AP4E1: variants seen among roughly 807,000 people sequenced by gnomAD.
AP4E1 encodes adaptor related protein complex 4 subunit epsilon 1, also known as AP-4 complex subunit epsilon-1.
A neutral mutation model predicts 128.2 loss-of-function variants in AP4E1; 56 were observed. The ratio of observed to expected loss-of-function variants is 0.44; its 90% CI spans 0.35 to 0.55. The LOEUF (loss-of-function observed/expected upper bound fraction) is 0.55, where lower values mean the gene tolerates loss of function less well. Among genes scored for constraint, AP4E1 ranks in the 20% least tolerant of loss-of-function variants. AP4E1 has a pLI of 0.00. For synonymous variants in AP4E1, 484 were observed against 473.1 expected (o/e 1.02, Z -0.30); for missense variants, 1,324 against 1,307.7 (o/e 1.01, Z -0.19).
rs1177045669 is a variant in AP4E1, at chr15:50,997,512, A to C, written c.2533A>C (p.Lys845Gln). The stretch of plus-strand genomic sequence containing the variant: ...CGATACAGGAGACAAGGAATTAAAG[A>C]AATTTTCTCTCACTTCAGAACTTTT... ...LHDTGDKELKKFSLTSELLDS... is the reference protein window; with the variant it reads ...LHDTGDKELKQFSLTSELLDS... Residue 845 changes from lysine (K) to glutamine (Q), a missense_variant, in exon 18 of 21, where the codon AAA (lysine) becomes CAA (glutamine). Transcript: ENST00000261842. The C allele has an allele frequency of 1.2e-6, 2 of 1,613,968 alleles. No homozygotes were observed. The highest frequency in any genetic ancestry group is 1.7e-6 in the Non-Finnish European group (2 of 1,180,002).
intron 15 of AP4E1, among the ~76,000 whole-genome samples, chr15:50,971,773 T>G (rs1388157196): frequency 6.6e-6 from 1 of 152,152 alleles, no homozygotes; most frequent in Non-Finnish European, 1.5e-5. Context: ...ATTGAATTCT[T>G]CAGCTCTAGG....
In AP4E1 at chr15:50,932,277, C is replaced by T. The variant is rs114543239; in HGVS notation, c.869+1306C>T. On this transcript the variant is annotated intron_variant, in intron 7 of 20. Coordinates refer to ENST00000261842, the MANE Select transcript of AP4E1 (RefSeq NM_007347.5). ...GACAGGCGTGAGCCACCGCCCCGGC[C>T]TCAATTTTGCCCTACTTTTTCAAAC... 2.4e-3 allele frequency among the ~76,000 whole-genome samples: 372 copies of T among 152,290 alleles called. 1 individual carries two copies. Among genetic ancestry groups the T allele is most frequent in the African/African-American group, 8.6e-3 (359 of 41,556 alleles).
At chr15:50,959,909 A>G (rs1241640981) in intron 14 of AP4E1, among the ~76,000 whole-genome samples, 1 of 152,194 alleles carries the variant, frequency 6.6e-6, no homozygotes, top group Non-Finnish European at 1.5e-5. Flanking sequence ...AAAGACACAC[A>G]GACTGAAAGT....
At chr15:50,920,473 C>G (rs1203640245) in intron 3 of AP4E1, among the ~76,000 whole-genome samples, 1 of 150,474 alleles carries the variant, frequency 6.6e-6, no homozygotes, top group Non-Finnish European at 1.5e-5. Flanking sequence ...GTGGCGCCAC[C>G]TCGGTTCACT....
chr15:50,911,930 C>G (rs999677873), intron 1 of AP4E1, 148 bp from the exon 2 acceptor site: 30 of 707,350 alleles, frequency 4.2e-5, no homozygotes, highest in South Asian at 3.1e-4. Context: ...TTAGATAGAT[C>G]GTAAGCAGAT....
intron 11 of AP4E1, 74 bp downstream of exon 11, chr15:50,948,233 T>G: frequency 6.4e-7 from 1 of 1,565,644 alleles, no homozygotes; most frequent in South Asian, 1.1e-5. Context: ...GGTATAGATA[T>G]GGTCACTTGC....
intron 3 of AP4E1, among the ~76,000 whole-genome samples, chr15:50,921,479 G>C (rs1194794214): frequency 1.3e-5 from 2 of 151,908 alleles, no homozygotes; most frequent in African/African-American, 4.8e-5. Context: ...CTCCCAAGTA[G>C]CTGGGATTAC....
chr15:50,983,290 A>AG (rs1567254706), intron 15 of AP4E1, among the ~76,000 whole-genome samples: 2 of 152,224 alleles, frequency 1.3e-5, no homozygotes, highest in African/African-American at 4.8e-5. Flanking sequence ...GGGAAGAGAA[A>AG]GGGGGAGAAG....
chr15:50,930,676 G>T, intron 6 of AP4E1, 129 bp from the exon 7 acceptor site: 1 of 911,484 alleles, frequency 1.1e-6, no homozygotes, highest in African/African-American at 1.7e-5. Flanking sequence ...ACATATTAGA[G>T]CACTGTTTCA....
chr15:50,945,263 T>G (rs2064042607), intron 10 of AP4E1: 1 of 784,044 alleles, frequency 1.3e-6, no homozygotes, highest in African/African-American at 1.7e-5. Context: ...GTGTAAGTAG[T>G]GTTAAATTTA....
chr15:50,949,472 A>ACAACAATAT (rs1287181250), intron 11 of AP4E1, among the ~76,000 whole-genome samples: 2 of 151,936 alleles, frequency 1.3e-5, no homozygotes, highest in African/African-American at 4.8e-5. Flanking sequence ...AAGTAGACAT[A>ACAACAATAT]CAACAATATT....
intron 1 of AP4E1, among the ~76,000 whole-genome samples, chr15:50,911,504 A>C (rs1288576030): frequency 8.8e-6 from 1 of 114,214 alleles, no homozygotes; most frequent in Non-Finnish European, 1.7e-5. Flanking sequence ...TTTTTTTTAG[A>C]TGGAGTCTTG....
rs376531587 is a variant in AP4E1 at position 50,916,650 on chromosome 15, G to T, written c.346+1079G>T. 4.6e-5 allele frequency among the ~76,000 whole-genome samples: 7 copies of T among 152,308 alleles called. No individual in the cohort carries two copies. The East Asian group carries it at 1.2e-3, about 25-fold the overall frequency. The stretch of plus-strand genomic sequence containing the variant: ...ATGTCTTGGTAAACATTCTGAGACT[G>T]AGTGCACACAATATTCCACTTGTGG... On this transcript the variant is annotated intron_variant, in intron 3 of 20. Coordinates refer to ENST00000261842, the MANE Select transcript of AP4E1 (RefSeq NM_007347.5).
chr15:50,933,111 C>T (rs1434068974), intron 7 of AP4E1, among the ~76,000 whole-genome samples: 1 of 152,062 alleles, frequency 6.6e-6, no homozygotes, highest in Admixed American at 6.5e-5. Flanking sequence ...TTGGATAATA[C>T]ATATATACAA....
chr15:50,947,415 CAAAAAAA>C (rs34715973), intron 10 of AP4E1, among the ~76,000 whole-genome samples: 1 of 117,176 alleles, frequency 8.5e-6, no homozygotes, highest in East Asian at 2.4e-4. Context: ...GACCCTGTCT[CAAAAAAA>C]AAAAAAAAAA....
chr15:50,915,280 G>T, intron 2 of AP4E1, 168 bp from the exon 3 acceptor site: 3 of 670,164 alleles, frequency 4.5e-6, no homozygotes, highest in Admixed American at 6.0e-5. Flanking sequence ...GTAAGATCAG[G>T]AGCAATTTTT....
At chr15:50,978,925 A>G (rs1471474197) in intron 15 of AP4E1, among the ~76,000 whole-genome samples, 2 of 152,070 alleles carry the variant, frequency 1.3e-5, no homozygotes, top group African/African-American at 4.8e-5. Flanking sequence ...CTTTATTCTC[A>G]ACCTTGAGCC....
intron 8 of AP4E1, 90 bp downstream of exon 8, chr15:50,934,787 T>C: frequency 1.2e-6 from 1 of 818,672 alleles, no homozygotes; most frequent in Non-Finnish European, 2.0e-6. Context: ...TAAATTCCAA[T>C]AGAATTTTAT....
chr15:50,976,785 AG>A (rs1404027328), intron 15 of AP4E1, among the ~76,000 whole-genome samples: 2 of 152,226 alleles, frequency 1.3e-5, no homozygotes, highest in Non-Finnish European at 2.9e-5. Context: ...TAGCACCAAA[AG>A]GAACAAAATA....
Sources: gnomAD v4.1 joint callset for allele counts (sites outside exome capture counted in the v4.1 genomes callset) on GRCh38, gnomAD v4.1.1 for gene constraint, MANE v1.5 for transcripts, NCBI Gene and HGNC (gene_info 2026-07-23, HGNC 2026-07-21) for gene names.